The following CDK5RAP1 variants were observed in gnomAD, a reference collection of about 807,000 sequenced individuals.
CDK5RAP1 encodes mitochondrial tRNA methylthiotransferase CDK5RAP1.
A neutral mutation model predicts 64.5 loss-of-function variants in CDK5RAP1; 62 were observed. The observed-to-expected ratio is 0.96, with a 90% CI of 0.78 to 1.19. The LOEUF (loss-of-function observed/expected upper bound fraction) is 1.19, where lower values mean the gene tolerates loss of function less well. Among genes scored for constraint, CDK5RAP1 ranks in the 50% most tolerant of loss-of-function variants. The pLI is 0.00. For missense variants in CDK5RAP1, 657 were observed against 735.0 expected (o/e 0.89, Z 1.23); for synonymous variants, 250 against 261.9 (o/e 0.95, Z 0.44).
At chr20:33,390,482 G>A (rs577584894) in intron 5 of CDK5RAP1, among the ~76,000 whole-genome samples, 22 of 152,120 alleles carry the variant, frequency 1.4e-4, no homozygotes, top group Admixed American at 1.1e-3. Context: ...AATGGGGAGC[G>A]TGTGTTCAAT....
chr20:33,396,187 T>C (rs956861609), intron 2 of CDK5RAP1, among the ~76,000 whole-genome samples: 2 of 152,216 alleles, frequency 1.3e-5, no homozygotes, highest in Non-Finnish European at 2.9e-5. Context: ...AAATGAGGCA[T>C]CTTCTTACAG....
chr20:33,388,285 C>T (rs1168212341), intron 5 of CDK5RAP1, among the ~76,000 whole-genome samples: 1 of 152,020 alleles, frequency 6.6e-6, no homozygotes, highest in African/African-American at 2.4e-5. Flanking sequence ...TGTTATCTTC[C>T]ATATCCTTAA....
intron 2 of CDK5RAP1, among the ~76,000 whole-genome samples, chr20:33,396,419 G>A (rs1431976699): frequency 6.6e-6 from 1 of 152,114 alleles, no homozygotes; most frequent in Non-Finnish European, 1.5e-5. Flanking sequence ...TCCCACCTCA[G>A]CCTCCTGAGT....
Position 33,396,747 on chromosome 20 carries a change from G to T in CDK5RAP1, c.304+14C>A, listed in dbSNP as rs760137665. 3 of 1,600,436 alleles carry T rather than the reference G, an allele frequency of 1.9e-6. No individual in the cohort carries two copies. Among genetic ancestry groups the T allele is most frequent in the East Asian group, 4.5e-5 (2 of 44,758 alleles). ...AGGCAGGAAGCCCAAAGGGATAAGC[G>T]AAGTAAAACCAACCTTTTCTCTGCC... is the stretch of plus-strand genomic sequence containing the variant. On this transcript the variant is annotated intron_variant, in intron 2 of 13. Transcript: ENST00000346416.
chr20:33,371,872 A>G (rs911597608), intron 10 of CDK5RAP1, among the ~76,000 whole-genome samples: 1 of 152,210 alleles, frequency 6.6e-6, no homozygotes, highest in African/African-American at 2.4e-5. Context: ...GTATTTTATT[A>G]GGAGGAAGGG....
At chr20:33,375,961 G>A (rs533803930) in intron 8 of CDK5RAP1, among the ~76,000 whole-genome samples, 2 of 152,270 alleles carry the variant, frequency 1.3e-5, no homozygotes, top group Non-Finnish European at 2.9e-5. Flanking sequence ...TAGGCCAAGC[G>A]ATCCTCCTGT....
chr20:33,371,846 A>T (rs571017353), intron 10 of CDK5RAP1, among the ~76,000 whole-genome samples: 1 of 152,326 alleles, frequency 6.6e-6, no homozygotes, highest in East Asian at 1.9e-4. Context: ...CCAAATCTAA[A>T]CTAAATGACT....
Position 33,359,039 on chromosome 20 carries a change from C to T in CDK5RAP1, c.*4G>A, listed in dbSNP as rs573775844. ...CAAGTCAGCTCTGAGGCCATCCTCT[C>T]AGGTCAGCAATATGCAGAAGAGTCC... On this transcript the variant is annotated 3_prime_UTR_variant, in exon 14 of 14. Transcript: ENST00000346416. 6.2e-7 allele frequency: 1 copy of T among 1,607,838 alleles called. No homozygotes were observed.
At chr20:33,397,132 C>T in intron 1 of CDK5RAP1, 48 bp from the exon 2 acceptor site, 1 of 1,396,456 alleles carries the variant, frequency 7.2e-7, no homozygotes. Context: ...ACACTATGGA[C>T]AGGACACTGC....
At chr20:33,377,764 G>A (rs1009070614) in intron 8 of CDK5RAP1, among the ~76,000 whole-genome samples, 1 of 152,138 alleles carries the variant, frequency 6.6e-6, no homozygotes, top group African/African-American at 2.4e-5. Flanking sequence ...CAATTCTCCT[G>A]CCTCAGCCTC....
chr20:33,389,582 G>T (rs969943723), intron 5 of CDK5RAP1, among the ~76,000 whole-genome samples: 1 of 150,558 alleles, frequency 6.6e-6, no homozygotes, highest in African/African-American at 2.4e-5. Flanking sequence ...GTCCGGGAGG[G>T]AGTAGGGGGC....
In CDK5RAP1 at chr20:33,358,944, T is replaced by C; in HGVS notation, c.*99A>G. On this transcript the variant is annotated 3_prime_UTR_variant, in exon 14 of 14. Transcript: ENST00000346416. Reference sequence around the variant, plus strand: ...TAAAGTTGCTTCGCCCCTTGCAGCTTATCTCCACCTTCATGACCTGTTTCC... The same window carrying C: ...TAAAGTTGCTTCGCCCCTTGCAGCTCATCTCCACCTTCATGACCTGTTTCC... 1.2e-6 allele frequency: 1 copy of C among 852,368 alleles called. No individual in the cohort carries two copies. Among genetic ancestry groups the C allele is most frequent in the Non-Finnish European group, 1.9e-6 (1 of 519,378 alleles). The allele number at this position is 852,368 out of a possible 1,614,324, so 52.8% of individuals were successfully genotyped here.
At position 33,387,552 on chromosome 20, in the gene CDK5RAP1, C is replaced by G; in HGVS notation, c.545-19G>C. The G allele has an allele frequency of 1.9e-6, 3 of 1,600,460 alleles. No individual in the cohort carries two copies. The highest frequency in any genetic ancestry group is 2.6e-6 in the Non-Finnish European group (3 of 1,167,842). ...ATGCAGCCTGGAAGGGAAAAAGAAA[C>G]AAGCACCTTTCCCCAAATCCACCTG... is the stretch of plus-strand genomic sequence containing the variant. On this transcript the variant is annotated intron_variant, in intron 5 of 13. Coordinates refer to ENST00000346416, the MANE Select transcript of CDK5RAP1 (RefSeq NM_016408.4).
intron 10 of CDK5RAP1, among the ~76,000 whole-genome samples, chr20:33,371,058 C>A (rs1043792293): frequency 1.3e-5 from 2 of 152,186 alleles, no homozygotes; most frequent in Non-Finnish European, 2.9e-5. Flanking sequence ...CTTTGAGAGG[C>A]CAAGGTGGGC....
rs763361600 is a variant in CDK5RAP1, at chr20:33,366,860, C to A, written c.1541G>T (p.Gly514Val). ...TAACACACACACATATGGCCTCACC[C>A]CTTCCACTAGCACCAACTGGGTACA... Reference protein sequence around the residue: ...VGCTQLVLVEGLSKRSATDLC... With the variant: ...VGCTQLVLVEVLSKRSATDLC... The change falls in exon 12 of 14, where the codon GGG (glycine) becomes GTG (valine). Residue 514 changes from glycine to valine, a missense_variant and splice_region_variant. Physicochemically the swap from Gly to Val is moderately radical, Grantham distance 109 (BLOSUM62 -3). Transcript: ENST00000346416. 8 of 1,611,710 alleles carry A rather than the reference C, an allele frequency of 5.0e-6. 1 individual carries two copies. The East Asian group carries it at 1.1e-4, about 22-fold the overall frequency.
intron 7 of CDK5RAP1, among the ~76,000 whole-genome samples, chr20:33,380,798 T>C (rs1328178589): frequency 6.6e-6 from 1 of 152,126 alleles, no homozygotes; most frequent in Non-Finnish European, 1.5e-5. Context: ...GGTCAGGAGT[T>C]CAGACCAGCC....
intron 12 of CDK5RAP1, among the ~76,000 whole-genome samples, chr20:33,363,882 G>A (rs1044689596): frequency 1.3e-5 from 2 of 152,026 alleles, no homozygotes; most frequent in South Asian, 2.1e-4. Context: ...CAGGGAGACA[G>A]AACGAGAGAC....
chr20:33,375,546 G>A (rs1038425067), intron 8 of CDK5RAP1, among the ~76,000 whole-genome samples: 1 of 151,888 alleles, frequency 6.6e-6, no homozygotes, highest in South Asian at 2.1e-4. Flanking sequence ...TCAATAAGAA[G>A]ACAATCCAGA....
rs367830529 is a variant in CDK5RAP1 at position 33,379,708 on chromosome 20, A to G, written c.877-17T>C. 24 of 1,571,434 alleles carry G rather than the reference A, an allele frequency of 1.5e-5. No individual in the cohort carries two copies. In the South Asian group the frequency reaches 2.0e-4, roughly 13 times the overall value. On this transcript the variant is annotated splice_polypyrimidine_tract_variant and intron_variant, in intron 7 of 13. Transcript: ENST00000346416. ...TTTCAGCCCCTAAACATGGGAAAAT[A>G]TATTGGAATTTTAAAACTTTTGGGT...
Sources: allele counts gnomAD v4.1 joint callset (sites outside exome capture counted in the v4.1 genomes callset), GRCh38; gene constraint gnomAD v4.1.1; transcripts MANE v1.5; gene names NCBI Gene and HGNC (gene_info 2026-07-23, HGNC 2026-07-21).